The following CNTRL variants were observed in gnomAD, a reference collection of about 807,000 sequenced individuals.
CNTRL encodes the protein 110 kDa centrosomal protein.
CNTRL carries 233 observed loss-of-function variants against 303.7 expected under a neutral mutation model. The observed-to-expected ratio is 0.77, with a 90% CI of 0.69 to 0.86. The LOEUF is 0.86. Among genes scored for constraint, CNTRL ranks in the 40% least tolerant of loss-of-function variants. The pLI, the probability that CNTRL is intolerant of heterozygous loss-of-function variation, is 0.00. For synonymous variants in CNTRL, 900 were observed against 922.2 expected (o/e 0.98, Z 0.44); for missense variants, 2,524 against 2,650.6 (o/e 0.95, Z 1.05).
intron 22 of CNTRL, 66 bp downstream of exon 22, chr9:121,145,451 T>G (rs2051792512): frequency 1.4e-6 from 2 of 1,474,352 alleles, no homozygotes; most frequent in Admixed American, 4.6e-5. Flanking sequence ...ATCTCATTTG[T>G]TTTTTACCTT....
At chr9:121,079,766 G>GGA (rs1312128359) in intron 1 of CNTRL, among the ~76,000 whole-genome samples, 1 of 152,076 alleles carries the variant, frequency 6.6e-6, no homozygotes, top group East Asian at 1.9e-4. Flanking sequence ...AAAAAGACGG[G>GGA]GTTTTTATTC....
chr9:121,167,482 C>T lies in CNTRL; in HGVS notation c.5656-7C>T, dbSNP rs754655124. The T allele has an allele frequency of 7.5e-6, 12 of 1,608,978 alleles. No homozygotes were observed. The highest frequency in any genetic ancestry group is 1.0e-5 in the Non-Finnish European group (12 of 1,177,886). On this transcript the variant is annotated splice_region_variant and splice_polypyrimidine_tract_variant and intron_variant, in intron 36 of 43. Transcript: ENST00000373855. ...TTAGTAGTTTCCACTTGTTCTTTCA[C>T]CTAAAGGACCTGCTTCACACCACCA...
At chr9:121,150,971 T>C (rs2052204930) in intron 25 of CNTRL, among the ~76,000 whole-genome samples, 1 of 152,238 alleles carries the variant, frequency 6.6e-6, no homozygotes, top group South Asian at 2.1e-4. Context: ...ATGTATAATA[T>C]GAGTGTATAC....
At chr9:121,127,952 T>C (rs1376423457) in intron 14 of CNTRL, among the ~76,000 whole-genome samples, 1 of 152,092 alleles carries the variant, frequency 6.6e-6, no homozygotes, top group Admixed American at 6.5e-5. Flanking sequence ...GCTGCATCCA[T>C]GTCCCTGCAA....
chr9:121,095,906 T>C (rs2048872057), intron 5 of CNTRL, among the ~76,000 whole-genome samples: 1 of 152,198 alleles, frequency 6.6e-6, no homozygotes, highest in Non-Finnish European at 1.5e-5. Flanking sequence ...CAGAATTCAT[T>C]AATATGTGTG....
rs556761741 is a variant in CNTRL at position 121,082,767 on chromosome 9, C to G, written c.-32+2289C>G. On this transcript the variant is annotated intron_variant, in intron 2 of 43. Transcript: ENST00000373855. ...CACGTGGATCACAAGGTCAGGAGTT[C>G]GAGACCAGCCTGGCCAATATGGTGA... 9.9e-5 allele frequency among the ~76,000 whole-genome samples: 15 copies of G among 152,116 alleles called. No individual in the cohort carries two copies. The East Asian group carries it at 2.5e-3, about 26-fold the overall frequency.
chr9:121,128,949 A>G (rs560504508), intron 14 of CNTRL, among the ~76,000 whole-genome samples: 58 of 151,982 alleles, frequency 3.8e-4, no homozygotes, highest in Non-Finnish European at 6.6e-4. Flanking sequence ...ATGGTTGTAG[A>G]TGTGTGGTGT....
chr9:121,124,150 C>A, intron 13 of CNTRL, 66 bp downstream of exon 13: 1 of 1,380,356 alleles, frequency 7.2e-7, no homozygotes, highest in Non-Finnish European at 9.9e-7. Flanking sequence ...ATTATAAAGA[C>A]AAGCATTAAT....
At chr9:121,162,538 T>G (rs2052903080) in intron 34 of CNTRL, among the ~76,000 whole-genome samples, 1 of 152,072 alleles carries the variant, frequency 6.6e-6, no homozygotes, top group Non-Finnish European at 1.5e-5. Flanking sequence ...ATCTTGTTCA[T>G]GGACCAAAAG....
intron 13 of CNTRL, among the ~76,000 whole-genome samples, chr9:121,125,405 T>G (rs1416421782): frequency 2.0e-5 from 3 of 152,108 alleles, no homozygotes; most frequent in Non-Finnish European, 2.9e-5. Flanking sequence ...ATGATCCGCC[T>G]GCCTTGGCCT....
chr9:121,131,272 C>G (rs970701088), intron 14 of CNTRL, among the ~76,000 whole-genome samples: 1 of 152,188 alleles, frequency 6.6e-6, no homozygotes, highest in South Asian at 2.1e-4. Flanking sequence ...GTCTAAGTCT[C>G]TTTGTAGGTC....
In CNTRL at chr9:121,148,873, C is replaced by A; in HGVS notation, c.3649+12C>A. The A allele has an allele frequency of 6.2e-7, 1 of 1,607,170 alleles. No homozygotes were observed. Among genetic ancestry groups the A allele is most frequent in the South Asian group, 1.1e-5 (1 of 90,726 alleles). On this transcript the variant is annotated intron_variant, in intron 24 of 43. Transcript: ENST00000373855. ...GTTTCCAAGTAGAGGTAAGTCAAAT[C>A]ACATAGGAAAGTTGCATTTCTCTTG...
In CNTRL at chr9:121,157,545, G is replaced by C; in HGVS notation, c.4441G>C (p.Glu1481Gln). ...LQTESDAEEL[E>Q]RRAQETAVNL... ...AACTGAGTCAGATGCTGAGGAATTA[G>C]AAAGGAGAGCTCAGGAAACTGCTGT... Residue 1481 changes from glutamate to glutamine, a missense_variant, in exon 28 of 44, where the codon GAA becomes CAA. Coordinates refer to ENST00000373855, the MANE Select transcript of CNTRL (RefSeq NM_007018.6). The C allele has an allele frequency of 6.2e-7, 1 of 1,614,180 alleles. No homozygotes were observed. The highest frequency in any genetic ancestry group is 2.2e-5 in the East Asian group (1 of 44,874).
At chr9:121,129,417 A>G (rs1008994325) in intron 14 of CNTRL, among the ~76,000 whole-genome samples, 1 of 152,134 alleles carries the variant, frequency 6.6e-6, no homozygotes, top group Non-Finnish European at 1.5e-5. Flanking sequence ...ATGGGAGTTC[A>G]CTCACGATTT....
At chr9:121,116,117 C>G (rs946518765) in intron 11 of CNTRL, among the ~76,000 whole-genome samples, 2 of 151,092 alleles carry the variant, frequency 1.3e-5, no homozygotes, top group Non-Finnish European at 3.0e-5. Context: ...AAATAGAAAA[C>G]TAGGGGAGAT....
chr9:121,174,392 ATAAAT>A (rs1381916715), intron 42 of CNTRL, among the ~76,000 whole-genome samples: 1 of 152,220 alleles, frequency 6.6e-6, no homozygotes, highest in Non-Finnish European at 1.5e-5. Context: ...TTAAATTTTA[ATAAAT>A]TATAATTAAG....
chr9:121,153,393 TCTC>T (rs776060653), intron 26 of CNTRL, among the ~76,000 whole-genome samples: 2 of 152,150 alleles, frequency 1.3e-5, no homozygotes, highest in East Asian at 1.9e-4. Context: ...CACCACGTTT[TCTC>T]CTGCCTCTAC....
At chr9:121,145,483 A>G (rs1047482286) in intron 22 of CNTRL, 98 bp downstream of exon 22, 26 of 1,197,018 alleles carry the variant, frequency 2.2e-5, no homozygotes, top group South Asian at 3.3e-5. Context: ...AATCAAGTCC[A>G]TGCTTGATTC....
chr9:121,109,038 G>A (rs1479279086), intron 8 of CNTRL, among the ~76,000 whole-genome samples: 1 of 152,128 alleles, frequency 6.6e-6, no homozygotes. Context: ...CTCTGTATCT[G>A]TGGGGGATTG....
Sources: allele counts gnomAD v4.1 joint callset (sites outside exome capture counted in the v4.1 genomes callset), GRCh38; gene constraint gnomAD v4.1.1; transcripts MANE v1.5; gene names NCBI Gene and HGNC (gene_info 2026-07-23, HGNC 2026-07-21).